Variants in NPAS3 observed in about 807,000 individuals in gnomAD.
The protein encoded by NPAS3 is neuronal PAS domain protein 3, also known as neuronal PAS domain-containing protein 3.
A neutral mutation model predicts 73.1 loss-of-function variants in NPAS3; 14 were observed. That is an observed-to-expected ratio of 0.19 (90% confidence interval 0.13 to 0.30). NPAS3 has a LOEUF of 0.30. Among genes scored for constraint, NPAS3 ranks in the 10% least tolerant of loss-of-function variants. NPAS3 has a pLI of 1.00. For synonymous variants in NPAS3, 620 were observed against 541.5 expected, an observed-to-expected ratio of 1.14 and a Z score of -2.01; for missense variants, 1,096 against 1,250.0, an observed-to-expected ratio of 0.88 and a Z score of 1.86.
chr14:33,603,524 A>G (rs2057463391), intron 5 of NPAS3, among the ~76,000 whole-genome samples: 1 of 152,192 alleles, frequency 6.6e-6, no homozygotes, highest in Non-Finnish European at 1.5e-5. Context: ...AAAACCACAC[A>G]TATTATAATT....
chr14:33,550,594 G>A (rs892922283), intron 4 of NPAS3, among the ~76,000 whole-genome samples: 3 of 152,206 alleles, frequency 2.0e-5, no homozygotes, highest in African/African-American at 4.8e-5. Context: ...GACAGGCAGC[G>A]TACGCTGGTC....
chr14:33,233,421 G>A (rs2047924158), intron 3 of NPAS3, among the ~76,000 whole-genome samples: 3 of 152,134 alleles, frequency 2.0e-5, no homozygotes, highest in Admixed American at 6.6e-5. Context: ...AGATTTCTCA[G>A]TAGCAAAGGA....
intron 5 of NPAS3, among the ~76,000 whole-genome samples, chr14:33,674,144 G>A (rs749915555): frequency 1.8e-4 from 28 of 152,236 alleles, no homozygotes; most frequent in East Asian, 3.9e-4. Flanking sequence ...CTGCACATCC[G>A]AGCAAATCAG....
At chr14:33,427,151 T>G (rs1488149299) in intron 4 of NPAS3, among the ~76,000 whole-genome samples, 6 of 152,174 alleles carry the variant, frequency 3.9e-5, no homozygotes, top group Middle Eastern at 3.4e-3. Context: ...CTTGATAACT[T>G]GAAAAATATT....
chr14:33,784,733 A>T lies in NPAS3; in HGVS notation c.1153+6161A>T, dbSNP rs373383023. Among the ~76,000 whole-genome samples the T allele has an allele frequency of 2.4e-3, 191 of 78,138 alleles. 1 individual carries two copies. Among genetic ancestry groups the T allele is most frequent in the African/African-American group, 6.1e-3 (89 of 14,540 alleles). The allele number at this position is 78,138 out of a possible 152,430, so 51.3% of individuals were successfully genotyped here. ...TTTTTATTGTTATTTTTATTTATTT[A>T]TTTATTTATTTATTTTTTTTTTTTT... is the stretch of plus-strand genomic sequence containing the variant. On this transcript the variant is annotated intron_variant, in intron 9 of 11. Transcript: ENST00000356141.
intron 3 of NPAS3, among the ~76,000 whole-genome samples, chr14:33,268,837 T>C (rs1244697498): frequency 6.6e-6 from 1 of 152,230 alleles, no homozygotes; most frequent in African/African-American, 2.4e-5. Flanking sequence ...TTGTAATATT[T>C]TCTCTGTGCG....
chr14:33,566,226 T>TCCC (rs78749999), intron 5 of NPAS3, among the ~76,000 whole-genome samples: 2 of 151,078 alleles, frequency 1.3e-5, no homozygotes, highest in African/African-American at 4.9e-5. Flanking sequence ...AATTGATTTT[T>TCCC]CCCCCCCGAA....
intron 6 of NPAS3, among the ~76,000 whole-genome samples, chr14:33,707,927 G>A (rs568719671): frequency 6.6e-6 from 1 of 152,178 alleles, no homozygotes; most frequent in Non-Finnish European, 1.5e-5. Flanking sequence ...GTGAGGGAAG[G>A]TATGCTTTTG....
intron 5 of NPAS3, among the ~76,000 whole-genome samples, chr14:33,575,104 C>T (rs145982406): frequency 6.6e-6 from 1 of 152,128 alleles, no homozygotes; most frequent in African/African-American, 2.4e-5. Flanking sequence ...GGTCCTGCCC[C>T]AAGACAAAAA....
intron 4 of NPAS3, among the ~76,000 whole-genome samples, chr14:33,377,615 T>C (rs1224965878): frequency 2.0e-5 from 3 of 152,232 alleles, no homozygotes; most frequent in Non-Finnish European, 2.9e-5. Flanking sequence ...ACGGGGATTT[T>C]TGTTTACCTT....
chr14:33,503,845 G>A (rs768944051), intron 4 of NPAS3, among the ~76,000 whole-genome samples: 2 of 151,916 alleles, frequency 1.3e-5, no homozygotes, highest in Non-Finnish European at 2.9e-5. Flanking sequence ...CCTTTAGGGG[G>A]AGAATTTATT....
intron 1 of NPAS3, among the ~76,000 whole-genome samples, chr14:33,019,614 T>C (rs150839573): frequency 1.4e-3 from 219 of 152,372 alleles, no homozygotes; most frequent in African/African-American, 4.9e-3. Context: ...ATGATTGATT[T>C]GCTGTGTGCA....
intron 3 of NPAS3, among the ~76,000 whole-genome samples, chr14:33,349,318 AG>A (rs1233194546): frequency 6.6e-6 from 1 of 152,240 alleles, no homozygotes; most frequent in Non-Finnish European, 1.5e-5. Flanking sequence ...AATTCAAACC[AG>A]GCTACTAAGA....
intron 4 of NPAS3, among the ~76,000 whole-genome samples, chr14:33,513,310 A>T (rs560504670): frequency 6.6e-6 from 1 of 152,178 alleles, no homozygotes; most frequent in South Asian, 2.1e-4. Context: ...ACACATAGTT[A>T]TCTGTAGTAC....
At chr14:33,361,543 A>C (rs543683367) in intron 3 of NPAS3, among the ~76,000 whole-genome samples, 51 of 152,322 alleles carry the variant, frequency 3.3e-4, no homozygotes, top group African/African-American at 1.1e-3. Flanking sequence ...TAAGTATTAA[A>C]ATTTGCACAG....
intron 2 of NPAS3, among the ~76,000 whole-genome samples, chr14:33,128,152 CTTAAATCCCAG>C (rs1481346712): frequency 6.6e-6 from 1 of 152,114 alleles, no homozygotes; most frequent in Non-Finnish European, 1.5e-5. Context: ...GTGAACCTCA[CTTAAATCCCAG>C]TGGTACTGTT....
At chr14:33,756,000 G>T (rs1012561335) in intron 7 of NPAS3, among the ~76,000 whole-genome samples, 9 of 152,064 alleles carry the variant, frequency 5.9e-5, no homozygotes, top group African/African-American at 2.2e-4. Context: ...TATTCATGAG[G>T]GTTCTGCCCC....
chr14:33,028,121 C>T (rs1466893420), intron 1 of NPAS3, among the ~76,000 whole-genome samples: 2 of 152,256 alleles, frequency 1.3e-5, no homozygotes, highest in East Asian at 3.9e-4. Context: ...GTAGGTTACA[C>T]TCTAGTCTCT....
intron 2 of NPAS3, among the ~76,000 whole-genome samples, chr14:33,131,163 C>T (rs970739520): frequency 2.0e-5 from 3 of 152,122 alleles, no homozygotes; most frequent in African/African-American, 4.8e-5. Flanking sequence ...GTAACAAAGA[C>T]ACTTTTTTCC....
Sources: allele counts gnomAD v4.1 joint callset (sites outside exome capture counted in the v4.1 genomes callset), GRCh38; gene constraint gnomAD v4.1.1; transcripts MANE v1.5; gene names NCBI Gene and HGNC (gene_info 2026-07-23, HGNC 2026-07-21).